Variants in CADPS observed in about 807,000 individuals in gnomAD.
CADPS encodes the protein calcium dependent secretion activator.
In CADPS, 57 loss-of-function variants were observed where a neutral mutation model predicts 167.3. The observed-to-expected ratio is 0.34, with a 90% CI of 0.28 to 0.42. The LOEUF (loss-of-function observed/expected upper bound fraction) is 0.42. CADPS is among the 20% of genes least tolerant of loss of function. CADPS has a pLI of 1.00. For synonymous variants in CADPS, 676 were observed against 635.3 expected (o/e 1.06, Z -0.96); for missense variants, 1,414 against 1,738.1 (o/e 0.81, Z 3.32).
chr3:62,455,253 C>T lies in CADPS; in HGVS notation c.3637-9456G>A, dbSNP rs1464490331. The stretch of plus-strand genomic sequence containing the variant: ...TCCCAGAGAGGATTTTTCCAAGGCT[C>T]AAGGGCTCCCTCAGACCCAGCCTCT... On this transcript the variant is annotated intron_variant, in intron 26 of 29. Coordinates refer to ENST00000383710, the MANE Select transcript of CADPS (RefSeq NM_003716.4). This position sits in a 1 kb window ranked among gnomAD's most constrained non-coding sequence, Gnocchi z 4.4. Among the ~76,000 whole-genome samples, 3 of 151,824 alleles carry T rather than the reference C, an allele frequency of 2.0e-5. No individual in the cohort carries two copies. Among genetic ancestry groups the T allele is most frequent in the Non-Finnish European group, 4.4e-5 (3 of 68,008 alleles).
At chr3:62,781,857 T>C (rs1337207679) in intron 1 of CADPS, among the ~76,000 whole-genome samples, 1 of 152,104 alleles carries the variant, frequency 6.6e-6, no homozygotes, top group East Asian at 1.9e-4. Flanking sequence ...AAAATAAAAA[T>C]AAAGGACCAC....
chr3:62,507,846 A>T (rs1036995889), intron 17 of CADPS, among the ~76,000 whole-genome samples: 4 of 152,224 alleles, frequency 2.6e-5, no homozygotes, highest in Non-Finnish European at 5.9e-5. Context: ...TCAAACAAAT[A>T]ATAAATTAAT....
intron 7 of CADPS, among the ~76,000 whole-genome samples, chr3:62,589,171 C>T (rs2085354816): frequency 6.6e-6 from 1 of 152,112 alleles, no homozygotes; most frequent in Non-Finnish European, 1.5e-5. Flanking sequence ...GGATTCTAAA[C>T]ACAGGTCTGC....
chr3:62,643,884 CA>C (rs2067963237), intron 6 of CADPS, among the ~76,000 whole-genome samples: 1 of 152,124 alleles, frequency 6.6e-6, no homozygotes, highest in South Asian at 2.1e-4. Context: ...ACGATCAGAC[CA>C]TTTGAGGAAT....
rs1382603871 is a variant in CADPS at position 62,418,318 on chromosome 3, TTC to T, written c.3778-15135_3778-15134del. ...ACATGTTTTCTTTTTCTTTTCTTTT[TTC>T]TCTCTTTTTTTTTTTTTTTTTTTTG... On this transcript the variant is annotated intron_variant, in intron 28 of 29. Coordinates refer to ENST00000383710, the MANE Select transcript of CADPS (RefSeq NM_003716.4). 6.4e-3 allele frequency among the ~76,000 whole-genome samples: 943 copies of T among 148,476 alleles called. 12 individuals carry two copies. The highest frequency in any genetic ancestry group is 0.022 in the African/African-American group (889 of 40,056).
chr3:62,747,978 C>T (rs772335536), intron 3 of CADPS, among the ~76,000 whole-genome samples: 1 of 151,898 alleles, frequency 6.6e-6, no homozygotes, highest in Non-Finnish European at 1.5e-5. Flanking sequence ...ACCACATCTT[C>T]AAAATTAGCT....
intron 28 of CADPS, among the ~76,000 whole-genome samples, chr3:62,419,742 T>A (rs531638691): frequency 6.6e-6 from 1 of 152,170 alleles, no homozygotes; most frequent in South Asian, 2.1e-4. Context: ...GCAAGCAGAT[T>A]GACGTAAGCA....
At chr3:62,454,810 T>C (rs1352260168) in intron 26 of CADPS, among the ~76,000 whole-genome samples, 2 of 152,116 alleles carry the variant, frequency 1.3e-5, no homozygotes, top group African/African-American at 4.8e-5. Context: ...ACTGGTTGAT[T>C]GTACGGCTTC....
intron 17 of CADPS, among the ~76,000 whole-genome samples, chr3:62,505,649 C>T (rs1013998074): frequency 2.0e-5 from 3 of 152,182 alleles, no homozygotes; most frequent in Non-Finnish European, 4.4e-5. Flanking sequence ...GCTTAAAAAC[C>T]TTTGAGAGCT....
intron 6 of CADPS, among the ~76,000 whole-genome samples, chr3:62,641,198 C>G (rs1437195018): frequency 6.6e-6 from 1 of 152,164 alleles, no homozygotes; most frequent in Non-Finnish European, 1.5e-5. Flanking sequence ...GGGATCTAAA[C>G]AAGGCTATGA....
intron 3 of CADPS, among the ~76,000 whole-genome samples, chr3:62,739,894 C>T (rs553621064): frequency 2.6e-5 from 4 of 152,348 alleles, no homozygotes; most frequent in East Asian, 1.9e-4. Flanking sequence ...TAGAACCCCA[C>T]TGTAGTTATG....
chr3:62,482,421 G>C (rs1180500692), intron 21 of CADPS, among the ~76,000 whole-genome samples: 1 of 152,216 alleles, frequency 6.6e-6, no homozygotes, highest in East Asian at 1.9e-4. Flanking sequence ...TCTAACTGCT[G>C]CTTCTAAAGA....
chr3:62,874,937 C>G lies in CADPS; in HGVS notation c.93G>C (p.Ala31=). ...CGCTGGTACGGCTGGGAGACAGGCG[C>G]GCGCCGGACGGGGCCGAGCCGAGCA... The part of the protein sequence containing the change: ...KEVLGSAPSG[A]RLSPSRTSEG... The change falls in exon 1 of 30, where the codon GCG becomes GCC. Residue 31 remains alanine (A), a synonymous_variant. Coordinates refer to ENST00000383710, the MANE Select transcript of CADPS (RefSeq NM_003716.4). The surrounding 1 kb of genome is among the most constrained non-coding windows in gnomAD (Gnocchi z 7.1). The G allele has an allele frequency of 6.6e-7, 1 of 1,520,908 alleles. No individual in the cohort carries two copies. 94.2% of individuals were successfully genotyped at this position (1,520,908 alleles called of 1,614,324 possible).
chr3:62,721,152 A>G (rs889705951), intron 3 of CADPS, among the ~76,000 whole-genome samples: 2 of 150,018 alleles, frequency 1.3e-5, no homozygotes, highest in African/African-American at 2.5e-5. Context: ...AAAAGAAGAA[A>G]AAAGAAAAAG....
intron 1 of CADPS, among the ~76,000 whole-genome samples, chr3:62,819,407 CGTGTGT>C (rs3047244): frequency 0.097 from 13,945 of 143,960 alleles, 701 homozygotes; most frequent in South Asian, 0.12. Flanking sequence ...AATCTGTGTG[CGTGTGT>C]GTGTGTGTGT....
chr3:62,806,039 C>G (rs571279251), intron 1 of CADPS, among the ~76,000 whole-genome samples: 1 of 152,200 alleles, frequency 6.6e-6, no homozygotes, highest in East Asian at 1.9e-4. Flanking sequence ...GTCCAACCTT[C>G]TTTAAATAAT....
intron 18 of CADPS, among the ~76,000 whole-genome samples, chr3:62,495,230 G>T (rs564113610): frequency 6.6e-6 from 1 of 152,294 alleles, no homozygotes; most frequent in East Asian, 1.9e-4. Flanking sequence ...TGTAGAGTAA[G>T]TGAGGACCAG....
chr3:62,762,656 CAA>C (rs35231096), intron 2 of CADPS, among the ~76,000 whole-genome samples: 76 of 53,126 alleles, frequency 1.4e-3, no homozygotes, highest in African/African-American at 1.9e-3. Context: ...AACCCGGACT[CAA>C]AAAAAAAAAA....
At chr3:62,569,855 G>C (rs879943546) in intron 9 of CADPS, among the ~76,000 whole-genome samples, 3 of 152,060 alleles carry the variant, frequency 2.0e-5, no homozygotes, top group Non-Finnish European at 4.4e-5. Context: ...TTAAAAACAG[G>C]CACTGGAAAA....
Sources: allele counts gnomAD v4.1 joint callset (sites outside exome capture counted in the v4.1 genomes callset), GRCh38; gene constraint gnomAD v4.1.1; non-coding constraint Gnocchi (gnomAD v3.1); transcripts MANE v1.5; gene names NCBI Gene and HGNC (gene_info 2026-07-23, HGNC 2026-07-21).